BCAR3: variants seen among roughly 807,000 people sequenced by gnomAD.
BCAR3 encodes BCAR3 adaptor protein, NSP family member, also known as breast cancer anti-estrogen resistance protein 3.
In BCAR3, 37 loss-of-function variants were observed where a neutral mutation model predicts 80.1. That is an observed-to-expected ratio of 0.46 (90% CI 0.36 to 0.61). BCAR3 has a LOEUF of 0.61. Ranked by LOEUF, BCAR3 falls within the 20% of genes least tolerant of loss-of-function variation. The probability of loss-of-function intolerance (pLI) is 0.00; values close to 1 mark genes in which losing one functional copy is unlikely to be tolerated. For synonymous variants in BCAR3, 389 were observed against 418.9 expected (o/e 0.93, Z 0.87); for missense variants, 978 against 1,068.2 (o/e 0.92, Z 1.18).
chr1:93,581,477 C>T (rs1429135199), intron 7 of BCAR3, among the ~76,000 whole-genome samples: 2 of 150,814 alleles, frequency 1.3e-5, no homozygotes, highest in Non-Finnish European at 2.9e-5. Context: ...ATGGTGCAAT[C>T]TCAGCTCACC....
chr1:93,713,100 A>G (rs1650078978), intron 2 of BCAR3, among the ~76,000 whole-genome samples: 1 of 152,192 alleles, frequency 6.6e-6, no homozygotes, highest in African/African-American at 2.4e-5. Flanking sequence ...GCTTTTGTGC[A>G]TTTGATATGT....
At chr1:93,801,011 CTATT>C (rs1196977606) in intron 2 of BCAR3, among the ~76,000 whole-genome samples, 3 of 152,210 alleles carry the variant, frequency 2.0e-5, no homozygotes, top group Non-Finnish European at 4.4e-5. Flanking sequence ...CGTTTATTCT[CTATT>C]TATACATAGT....
Position 93,571,731 on chromosome 1 carries a change from T to C in BCAR3, c.1913A>G (p.Lys638Arg). ...SKIIQVAVEL[K>R]DSMGDLYSFS... ...GGAATAGAGGTCCCCCATGGAATCC[T>C]TCAGTTCCACCGCCACCTGGATGAT... The change falls in exon 9 of 12, where the codon AAG (lysine) becomes AGG (arginine). Residue 638 changes from lysine (K) to arginine (R), a missense_variant. Coordinates refer to ENST00000260502, the MANE Select transcript of BCAR3 (RefSeq NM_003567.4). 1 of 1,614,120 alleles carries C rather than the reference T, an allele frequency of 6.2e-7. No homozygotes were observed. Among genetic ancestry groups the C allele is most frequent in the Non-Finnish European group, 8.5e-7 (1 of 1,180,008 alleles).
chr1:93,780,566 AGAGG>A (rs149917298), intron 2 of BCAR3, among the ~76,000 whole-genome samples: 17,805 of 143,516 alleles, frequency 0.12, 1,518 homozygotes, highest in African/African-American at 0.26. Flanking sequence ...AGTGAAGAGG[AGAGG>A]AAAAAAAAAA....
At chr1:93,793,692 G>A in intron 2 of BCAR3, among the ~76,000 whole-genome samples, 1 of 12,760 alleles carries the variant, frequency 7.8e-5, no homozygotes, top group Non-Finnish European at 1.1e-4. Context: ...CTTGCCTTCT[G>A]CTAGCTTTTG....
At chr1:93,788,462 A>G (rs562070851) in intron 2 of BCAR3, among the ~76,000 whole-genome samples, 64 of 152,268 alleles carry the variant, frequency 4.2e-4, no homozygotes, top group African/African-American at 1.4e-3. Flanking sequence ...TTTTGTTCCA[A>G]GACTTAGAAC....
chr1:93,632,762 C>T (rs1401380074), intron 3 of BCAR3, among the ~76,000 whole-genome samples: 2 of 152,082 alleles, frequency 1.3e-5, no homozygotes, highest in Non-Finnish European at 2.9e-5. Flanking sequence ...TTTTAAGAAG[C>T]CATTTTAGCA....
chr1:93,708,222 G>A (rs1017504992), intron 2 of BCAR3, among the ~76,000 whole-genome samples: 1 of 152,132 alleles, frequency 6.6e-6, no homozygotes, highest in Non-Finnish European at 1.5e-5. Context: ...TCAGTAATGG[G>A]CCAACTGCTC....
intron 2 of BCAR3, among the ~76,000 whole-genome samples, chr1:93,843,687 T>C (rs1414067208): frequency 6.6e-6 from 1 of 152,192 alleles, no homozygotes; most frequent in Non-Finnish European, 1.5e-5. Context: ...GGGTCCAAAC[T>C]GAAAAATTTT....
intron 2 of BCAR3, among the ~76,000 whole-genome samples, chr1:93,746,779 C>G (rs756568091): frequency 6.6e-6 from 1 of 152,144 alleles, no homozygotes; most frequent in Non-Finnish European, 1.5e-5. Context: ...ACTCCTGAGA[C>G]CCCTGGAGTC....
Position 93,711,564 on chromosome 1 carries a change from A to G in BCAR3, c.-62-5422T>C, listed in dbSNP as rs185837646. 2.5e-3 allele frequency among the ~76,000 whole-genome samples: 381 copies of G among 152,316 alleles called. 2 individuals carry two copies. The highest frequency in any genetic ancestry group is 4.3e-3 in the Non-Finnish European group (294 of 68,024). ...AAGTCATGAGGCTAGCCTGGATTCA[A>G]TCGGTGGAGAATAGACTCAACTTTA... On this transcript the variant is annotated intron_variant, in intron 2 of 13. Transcript: ENST00000370244.
In BCAR3 at chr1:93,578,280, G is replaced by A. The variant is rs201538955; in HGVS notation, c.1687-2151C>T. Reference sequence around the variant, plus strand: ...TTTCTAAAATGCCATGAGATTGCCTGGCTCCACTCACTGGTTCTGTTCCCC... The same window carrying A: ...TTTCTAAAATGCCATGAGATTGCCTAGCTCCACTCACTGGTTCTGTTCCCC... On this transcript the variant is annotated intron_variant, in intron 7 of 11. Transcript: ENST00000260502. 5.3e-5 allele frequency among the ~76,000 whole-genome samples: 8 copies of A among 152,298 alleles called. No individual in the cohort carries two copies. In the East Asian group the frequency reaches 1.4e-3, roughly 26 times the overall value.
intron 2 of BCAR3, among the ~76,000 whole-genome samples, chr1:93,799,304 G>A (rs985063343): frequency 6.6e-6 from 1 of 152,200 alleles, no homozygotes; most frequent in African/African-American, 2.4e-5. Flanking sequence ...GCTCAAAGCA[G>A]GCGCCCTTGT....
chr1:93,822,648 T>C (rs1654268357), intron 2 of BCAR3, among the ~76,000 whole-genome samples: 1 of 152,098 alleles, frequency 6.6e-6, no homozygotes, highest in Admixed American at 6.6e-5. Context: ...CAGCAATACT[T>C]TGGATATGGC....
chr1:93,677,460 G>T (rs1303498816), intron 1 of BCAR3, among the ~76,000 whole-genome samples: 1 of 152,154 alleles, frequency 6.6e-6, no homozygotes, highest in African/African-American at 2.4e-5. Context: ...GGAAGGGAAG[G>T]ACCGAACCCA....
At chr1:93,678,091 T>A (rs944429731) in intron 1 of BCAR3, among the ~76,000 whole-genome samples, 1 of 152,042 alleles carries the variant, frequency 6.6e-6, no homozygotes, top group African/African-American at 2.4e-5. Context: ...CACATAAGAA[T>A]CCTCTGGGAA....
intron 2 of BCAR3, among the ~76,000 whole-genome samples, chr1:93,761,803 T>G (rs892500352): frequency 1.3e-5 from 2 of 152,196 alleles, no homozygotes; most frequent in Non-Finnish European, 2.9e-5. Flanking sequence ...GATCGTGTTC[T>G]TACCCCACTT....
At chr1:93,588,836 T>G in intron 5 of BCAR3, 141 bp downstream of exon 5, 1 of 964,580 alleles carries the variant, frequency 1.0e-6, no homozygotes, top group Non-Finnish European at 1.5e-6. Context: ...GTTCACTGCC[T>G]CGTGACAGCT....
intron 2 of BCAR3, among the ~76,000 whole-genome samples, chr1:93,750,284 C>CTCT (rs906921851): frequency 2.6e-5 from 4 of 152,240 alleles, no homozygotes; most frequent in African/African-American, 9.6e-5. Flanking sequence ...CTTGTATAAA[C>CTCT]TCTTCATCTT....
Sources: allele counts gnomAD v4.1 joint callset (sites outside exome capture counted in the v4.1 genomes callset), GRCh38; gene constraint gnomAD v4.1.1; transcripts MANE v1.5; gene names NCBI Gene and HGNC (gene_info 2026-07-23, HGNC 2026-07-21).